Variants in SLC12A7 observed in about 807,000 individuals in gnomAD.
The protein encoded by SLC12A7 is K-Cl cotransporter 4.
In SLC12A7, 100 loss-of-function variants were observed where a neutral mutation model predicts 120.6. The observed-to-expected ratio is 0.83, with a 90% CI of 0.71 to 0.98. The LOEUF is 0.98. Among genes scored for constraint, SLC12A7 ranks in the 50% least tolerant of loss-of-function variants. The pLI, the probability that SLC12A7 is intolerant of heterozygous loss-of-function variation, is 0.00. For missense variants in SLC12A7, 1,373 were observed against 1,548.1 expected, an observed-to-expected ratio of 0.89 and a Z score of 1.90; for synonymous variants, 760 against 678.0, an observed-to-expected ratio of 1.12 and a Z score of -1.88.
chr5:1,108,232 G>T (rs1317909542), intron 1 of SLC12A7, among the ~76,000 whole-genome samples: 1 of 152,232 alleles, frequency 6.6e-6, no homozygotes, highest in Non-Finnish European at 1.5e-5. Context: ...ATGCTTTACC[G>T]CATGCCTGCT....
the SLC12A7 span, among the ~76,000 whole-genome samples, chr5:1,117,386 G>A: frequency 6.1e-4 from 93 of 152,310 alleles, no homozygotes; most frequent in South Asian, 2.3e-3. The surrounding 1 kb of genome is among the most constrained non-coding windows in gnomAD (Gnocchi z 4.5). Context: ...CTTCCTGGGC[G>A]TAGGCTGAAC....
chr5:1,076,263 G>A lies in SLC12A7; in HGVS notation c.1749-27C>T, dbSNP rs749030498. 62 of 1,561,486 alleles carry A rather than the reference G, an allele frequency of 4.0e-5. No individual in the cohort carries two copies. In the Middle Eastern group the frequency reaches 5.5e-3, roughly 139 times the overall value. On this transcript the variant is annotated intron_variant, in intron 13 of 23. Transcript: ENST00000264930. ...TGCAGGGACGGCCGGCCACTGATACGGGCCCACTGGGCCCCCCTGAGCCCC... is the reference window on the plus strand; with the variant it reads ...TGCAGGGACGGCCGGCCACTGATACAGGCCCACTGGGCCCCCCTGAGCCCC...
At chr5:1,085,056 C>T (rs113940581) in intron 7 of SLC12A7, among the ~76,000 whole-genome samples, 176 bp downstream of exon 7, 2 of 152,226 alleles carry the variant, frequency 1.3e-5, no homozygotes, top group African/African-American at 2.4e-5. Context: ...CCCACCTCAC[C>T]GTTGGGTTTC....
chr5:1,065,158 GA>G, intron 18 of SLC12A7, 124 bp downstream of exon 18: 1 of 734,698 alleles, frequency 1.4e-6, no homozygotes, highest in Non-Finnish European at 2.1e-6. Context: ...CAGTGGGGAC[GA>G]AAAGGGGACA....
the SLC12A7 span, among the ~76,000 whole-genome samples, chr5:1,146,057 G>A: frequency 7.2e-5 from 11 of 151,984 alleles, no homozygotes; most frequent in East Asian, 1.9e-4. This position sits in a 1 kb window ranked among gnomAD's most constrained non-coding sequence, Gnocchi z 6.5. Flanking sequence ...TTCTGCCTCC[G>A]TCTCCCAGAA....
chr5:1,121,995 G>T, the SLC12A7 span, among the ~76,000 whole-genome samples: 2 of 152,166 alleles, frequency 1.3e-5, no homozygotes, highest in South Asian at 2.1e-4. Flanking sequence ...GCGGGGATGG[G>T]TTCCCTGAGG....
chr5:1,073,774 CAGGTTCAGCA>C lies in SLC12A7; in HGVS notation c.2090_2099del (p.Met697ArgfsTer7). On this transcript the variant is annotated frameshift_variant, in exon 17 of 24. Transcript: ENST00000264930. LOFTEE classifies it high-confidence loss of function. ...GGTGCTTCACGGCCTGCTCCGCGTC[CAGGTTCAGCA>C]TCACCAGCACCTGGGGCCTGCAGCC... is the stretch of plus-strand genomic sequence containing the variant. The C allele has an allele frequency of 2.0e-6, 3 of 1,463,524 alleles. No homozygotes were observed. Among genetic ancestry groups the C allele is most frequent in the Non-Finnish European group, 2.7e-6 (3 of 1,103,306 alleles). 90.7% of individuals were successfully genotyped at this position (1,463,524 alleles called of 1,614,324 possible).
chr5:1,112,157 C>T, upstream of SLC12A7: 1 of 813,026 alleles, frequency 1.2e-6, no homozygotes, highest in Non-Finnish European at 1.6e-6. Flanking sequence ...AAAGTTGGCC[C>T]GCGGCGACTT....
intron 18 of SLC12A7, among the ~76,000 whole-genome samples, chr5:1,064,875 G>A (rs373710488): frequency 4.4e-5 from 6 of 137,832 alleles, no homozygotes; most frequent in African/African-American, 1.6e-4. Context: ...GACAGCGAGG[G>A]GACGGCGAGG....
upstream of SLC12A7, among the ~76,000 whole-genome samples, chr5:1,113,484 C>T (rs1389291852): frequency 1.3e-5 from 2 of 152,218 alleles, no homozygotes; most frequent in Admixed American, 6.5e-5. Context: ...TGGGCAGAAG[C>T]TGTAGGCCTG....
chr5:1,109,023 G>A (rs1742784549), intron 1 of SLC12A7, among the ~76,000 whole-genome samples: 1 of 152,218 alleles, frequency 6.6e-6, no homozygotes, highest in Admixed American at 6.5e-5. Flanking sequence ...GCAAACCTGG[G>A]AGAGCCCCAG....
At position 1,112,004 on chromosome 5, in the gene SLC12A7, C is replaced by T. The variant is rs1426201240; in HGVS notation, c.-13G>A. The T allele has an allele frequency of 7.9e-7, 1 of 1,265,136 alleles. No homozygotes were observed. The highest frequency in any genetic ancestry group is 3.4e-5 in the Admixed American group (1 of 29,540). The allele number at this position is 1,265,136 out of a possible 1,614,324, so 78.4% of individuals were successfully genotyped here. A position where few individuals can be genotyped will look rare whatever the true frequency, so the allele number is the denominator to read the frequency against. ...AGTTGGTGGGCATGGCCGCCTGCAG[C>T]CGACAGTCCCCGTCCCGGCCCGGCC... On this transcript the variant is annotated 5_prime_UTR_variant, in exon 1 of 24. Coordinates refer to ENST00000264930, the MANE Select transcript of SLC12A7 (RefSeq NM_006598.3).
chr5:1,051,268 G>A lies in SLC12A7; in HGVS notation c.*1092C>T. 1 of 230,198 alleles carries A rather than the reference G, an allele frequency of 4.3e-6. No individual in the cohort carries two copies. Among genetic ancestry groups the A allele is most frequent in the Non-Finnish European group, 8.4e-6 (1 of 119,510 alleles). The allele number at this position is 230,198 out of a possible 1,614,324, so 14.3% of individuals were successfully genotyped here. On this transcript the variant is annotated 3_prime_UTR_variant, in exon 24 of 24. Coordinates refer to ENST00000264930, the MANE Select transcript of SLC12A7 (RefSeq NM_006598.3). Reference sequence around the variant, plus strand: ...ACTCAGCCAGACAGACCTGACACCAGGCGCCACTGCTGCCTGAGGACCTCC... The same window carrying A: ...ACTCAGCCAGACAGACCTGACACCAAGCGCCACTGCTGCCTGAGGACCTCC...
At chr5:1,121,017 G>T in the SLC12A7 span, among the ~76,000 whole-genome samples, 2 of 152,216 alleles carry the variant, frequency 1.3e-5, no homozygotes, top group African/African-American at 2.4e-5. Flanking sequence ...AAATAAGAGT[G>T]GCTCAGAGCA....
At chr5:1,090,868 G>A (rs751073107) in intron 3 of SLC12A7, among the ~76,000 whole-genome samples, 9 of 152,228 alleles carry the variant, frequency 5.9e-5, no homozygotes, top group Non-Finnish European at 7.3e-5. Context: ...AATTTCAGGC[G>A]CGGGAGGCTG....
At chr5:1,123,896 C>T in the SLC12A7 span, among the ~76,000 whole-genome samples, 1 of 152,244 alleles carries the variant, frequency 6.6e-6, no homozygotes, top group African/African-American at 2.4e-5. Flanking sequence ...TGAGATAACT[C>T]TCTTGGTCTA....
Position 1,073,618 on chromosome 5 carries a change from C to G in SLC12A7, c.2241+15G>C. 1 of 1,594,458 alleles carries G rather than the reference C, an allele frequency of 6.3e-7. No individual in the cohort carries two copies. The highest frequency in any genetic ancestry group is 8.5e-7 in the Non-Finnish European group (1 of 1,172,568). ...GTGGGAAAGAGGCCTGGCCCCCAGA[C>G]CCCGCCCGGCCCACCTCCTCGGCCC... is the stretch of plus-strand genomic sequence containing the variant. On this transcript the variant is annotated intron_variant, in intron 17 of 23. Coordinates refer to ENST00000264930, the MANE Select transcript of SLC12A7 (RefSeq NM_006598.3).
chr5:1,060,544 G>A (rs1333887554), intron 20 of SLC12A7, 93 bp from the exon 21 acceptor site: 6 of 936,176 alleles, frequency 6.4e-6, no homozygotes, highest in Admixed American at 5.9e-5. Flanking sequence ...GAGCCGCCCT[G>A]AGCGGTGGGA....
chr5:1,142,310 G>GTCTCCCC, the SLC12A7 span, among the ~76,000 whole-genome samples: 1 of 19,916 alleles, frequency 5.0e-5, no homozygotes, highest in African/African-American at 1.8e-4. Flanking sequence ...CGCCCCTCCC[G>GTCTCCCC]TCTCCCCTCT....
Sources: allele counts gnomAD v4.1 joint callset (sites outside exome capture counted in the v4.1 genomes callset), GRCh38; gene constraint gnomAD v4.1.1; non-coding constraint Gnocchi (gnomAD v3.1); transcripts MANE v1.5; gene names NCBI Gene and HGNC (gene_info 2026-07-23, HGNC 2026-07-21).